TBXAS1: variants seen among roughly 807,000 people sequenced by gnomAD.
TBXAS1 encodes thromboxane A synthase 1.
A neutral mutation model predicts 60.7 loss-of-function variants in TBXAS1; 48 were observed. That is an observed-to-expected ratio of 0.79 (90% CI 0.63 to 1.01). The LOEUF (loss-of-function observed/expected upper bound fraction) is 1.01, where lower values mean the gene tolerates loss of function less well. Among genes scored for constraint, TBXAS1 ranks in the 50% least tolerant of loss-of-function variants. The pLI, the probability that TBXAS1 is intolerant of heterozygous loss-of-function variation, is 0.00. For synonymous variants in TBXAS1, 287 were observed against 269.7 expected (o/e 1.06, Z -0.63); for missense variants, 685 against 686.3 (o/e 1.00, Z 0.02).
intron 9 of TBXAS1, among the ~76,000 whole-genome samples, chr7:139,967,573 G>A (rs1810883828): frequency 6.6e-6 from 1 of 152,190 alleles, no homozygotes; most frequent in Non-Finnish European, 1.5e-5. Context: ...ACTTCGAGAG[G>A]GTCATGCACC....
At chr7:139,977,971 C>T (rs911994581) in intron 9 of TBXAS1, among the ~76,000 whole-genome samples, 1 of 152,156 alleles carries the variant, frequency 6.6e-6, no homozygotes, top group Non-Finnish European at 1.5e-5. Flanking sequence ...CCATAACACA[C>T]GGACCATTCA....
intron 1 of TBXAS1, among the ~76,000 whole-genome samples, chr7:139,847,658 C>T (rs565034810): frequency 2.4e-4 from 37 of 152,266 alleles, no homozygotes; most frequent in African/African-American, 8.9e-4. Flanking sequence ...TGTATTTGCT[C>T]ACTTTCTCAC....
At chr7:139,794,373 T>A (rs1797487619) in intron 4 of TBXAS1, among the ~76,000 whole-genome samples, 1 of 152,194 alleles carries the variant, frequency 6.6e-6, no homozygotes, top group Admixed American at 6.5e-5. Context: ...GTGCTGGTAT[T>A]ACAGGCATCA....
chr7:139,784,015 T>G (rs867524851), intron 3 of TBXAS1, among the ~76,000 whole-genome samples: 10,582 of 149,996 alleles, frequency 0.071, 1,250 homozygotes, highest in African/African-American at 0.25. Flanking sequence ...TTTTTTGTTT[T>G]TTTTTTTTTT....
chr7:139,899,481 G>C (rs1804404955), intron 3 of TBXAS1, among the ~76,000 whole-genome samples: 1 of 152,192 alleles, frequency 6.6e-6, no homozygotes, highest in African/African-American at 2.4e-5. Context: ...AAAAAAGAGA[G>C]AAAACCACTA....
intron 5 of TBXAS1, among the ~76,000 whole-genome samples, chr7:139,943,530 G>C (rs143097020): frequency 6.6e-5 from 10 of 152,312 alleles, no homozygotes; most frequent in Middle Eastern, 3.4e-3. Context: ...CTGACTTGCC[G>C]CTGGTTAAAT....
intron 9 of TBXAS1, 97 bp from the exon 10 acceptor site, chr7:140,006,994 C>A: frequency 8.1e-7 from 1 of 1,229,394 alleles, no homozygotes; most frequent in Non-Finnish European, 1.2e-6. Context: ...AAATGTTTGC[C>A]AAAGTTGGAA....
At chr7:139,827,976 C>T (rs1045394173), upstream of TBXAS1, among the ~76,000 whole-genome samples, 3 of 152,208 alleles carry the variant, frequency 2.0e-5, no homozygotes, top group African/African-American at 7.2e-5. Context: ...GATCTTTTTA[C>T]AATGAATTTC....
chr7:139,983,215 C>T (rs1382210589), intron 9 of TBXAS1, among the ~76,000 whole-genome samples: 2 of 152,156 alleles, frequency 1.3e-5, no homozygotes, highest in Non-Finnish European at 2.9e-5. Flanking sequence ...CTGCCCTGCC[C>T]CATCTTCAAC....
At chr7:139,839,489 T>G (rs1000390512) in intron 1 of TBXAS1, among the ~76,000 whole-genome samples, 1 of 152,214 alleles carries the variant, frequency 6.6e-6, no homozygotes, top group East Asian at 1.9e-4. Context: ...AGTACCAAGC[T>G]GCTCTTAAAG....
At chr7:139,894,192 G>A (rs145575685) in intron 3 of TBXAS1, among the ~76,000 whole-genome samples, 3 of 152,262 alleles carry the variant, frequency 2.0e-5, no homozygotes, top group South Asian at 2.1e-4. Context: ...TGGGACTACC[G>A]TGCCACCACC....
At chr7:139,961,431 G>A (rs1277271838) in intron 8 of TBXAS1, among the ~76,000 whole-genome samples, 1 of 152,170 alleles carries the variant, frequency 6.6e-6, no homozygotes, top group Non-Finnish European at 1.5e-5. Context: ...AATGTATAAA[G>A]TAAAAAATAA....
intron 12 of TBXAS1, among the ~76,000 whole-genome samples, 167 bp downstream of exon 12, chr7:140,018,000 G>T (rs1395870892): frequency 1.3e-5 from 2 of 152,204 alleles, no homozygotes; most frequent in Admixed American, 1.3e-4. Flanking sequence ...TCGTAAAGTG[G>T]GGGTGATAAT....
chr7:139,893,017 T>G (rs1487184782), intron 3 of TBXAS1, among the ~76,000 whole-genome samples: 1 of 152,146 alleles, frequency 6.6e-6, no homozygotes. Flanking sequence ...ATCTCTAAAG[T>G]ATTATGATCA....
At chr7:139,978,635 C>G (rs1456907275) in intron 9 of TBXAS1, among the ~76,000 whole-genome samples, 2 of 151,770 alleles carry the variant, frequency 1.3e-5, no homozygotes, top group Non-Finnish European at 2.9e-5. Flanking sequence ...TAGATATTTT[C>G]CCCTATTTTA....
chr7:140,015,626 G>T, intron 10 of TBXAS1, 97 bp from the exon 11 acceptor site: 2 of 1,398,028 alleles, frequency 1.4e-6, no homozygotes, highest in Non-Finnish European at 2.0e-6. Context: ...GCCTGCCCCT[G>T]ATCCCCTTCA....
chr7:139,986,797 GTGTATATATATATATA>G (rs1313767149), intron 9 of TBXAS1, among the ~76,000 whole-genome samples: 941 of 40,148 alleles, frequency 0.023, 14 homozygotes, highest in Middle Eastern at 0.03. Context: ...GTGTGTGTGT[GTGTATATATATATATA>G]TATACACCAT....
chr7:139,944,811 C>A (rs1005133018), intron 5 of TBXAS1, among the ~76,000 whole-genome samples: 1 of 152,166 alleles, frequency 6.6e-6, no homozygotes, highest in Admixed American at 6.5e-5. Context: ...TAAAAAAGAC[C>A]CTCTCCTTCC....
rs1043417776 is a variant in TBXAS1, at chr7:140,013,272, C to T, written c.1227-2451C>T. On this transcript the variant is annotated intron_variant, in intron 10 of 12. Transcript: ENST00000448866. The surrounding 1 kb of genome is among the most constrained non-coding windows in gnomAD (Gnocchi z 4.2). ...TGGTTTGCTCAGACAAATTAGTTTG[C>T]ATTAATTTCCTGAAGCCAACAGTGA... Among the ~76,000 whole-genome samples, 5 of 152,128 alleles carry T rather than the reference C, an allele frequency of 3.3e-5. No homozygotes were observed. Among genetic ancestry groups the T allele is most frequent in the African/African-American group, 9.7e-5 (4 of 41,408 alleles).
Sources: allele counts gnomAD v4.1 joint callset (sites outside exome capture counted in the v4.1 genomes callset), GRCh38; gene constraint gnomAD v4.1.1; non-coding constraint Gnocchi (gnomAD v3.1); transcripts MANE v1.5; gene names NCBI Gene and HGNC (gene_info 2026-07-23, HGNC 2026-07-21).